MEGF8: variants seen among roughly 807,000 people sequenced by gnomAD.
MEGF8 encodes multiple EGF like domains 8, also known as multiple epidermal growth factor-like domains protein 8.
In MEGF8, 156 loss-of-function variants were observed where a neutral mutation model predicts 302.9. The ratio of observed to expected loss-of-function variants is 0.52; its 90% confidence interval spans 0.45 to 0.59. The LOEUF (loss-of-function observed/expected upper bound fraction) is 0.59, where lower values mean the gene tolerates loss of function less well. MEGF8 is among the 20% of genes least tolerant of loss of function. The pLI is 0.00. For missense variants in MEGF8, 3,345 were observed against 3,964.5 expected, an observed-to-expected ratio of 0.84 and a Z score of 4.20; for synonymous variants, 1,621 against 1,660.5, an observed-to-expected ratio of 0.98 and a Z score of 0.58.
At chr19:42,373,098 T>TA (rs2039714271) in intron 41 of MEGF8, among the ~76,000 whole-genome samples, 1 of 151,440 alleles carries the variant, frequency 6.6e-6, no homozygotes, top group Non-Finnish European at 1.5e-5. Context: ...TTTTCTTGGT[T>TA]CCTTTTTTTT....
intron 34 of MEGF8, among the ~76,000 whole-genome samples, chr19:42,362,808 G>A (rs909900353): frequency 6.7e-6 from 1 of 149,470 alleles, no homozygotes; most frequent in Non-Finnish European, 1.5e-5. Flanking sequence ...GTCTGAGGGA[G>A]GAGAGGCTGG....
At position 42,353,583 on chromosome 19, in the gene MEGF8, C is replaced by T; in HGVS notation, c.3669C>T (p.His1223=). ...GGCACGGGGACCCACGCCGTGGCCA[C>T]TGCGACAACCTCAGTGGGCTCTGCT... ...CNGHGDPRRG[H]CDNLSGLCFC... is the part of the protein sequence containing the mutation. The change falls in exon 21 of 42, where the codon CAC becomes CAT. Residue 1223 remains histidine, a synonymous_variant. Transcript: ENST00000251268. This position sits in a 1 kb window ranked among gnomAD's most constrained non-coding sequence, Gnocchi z 6.1. 1 of 1,597,272 alleles carries T rather than the reference C, an allele frequency of 6.3e-7. No homozygotes were observed. The highest frequency in any genetic ancestry group is 8.5e-7 in the Non-Finnish European group (1 of 1,172,346).
chr19:42,335,512 C>A (rs2039115601), intron 5 of MEGF8, 127 bp downstream of exon 5: 1 of 779,796 alleles, frequency 1.3e-6, no homozygotes, highest in Non-Finnish European at 2.1e-6. Flanking sequence ...GAACCTACTT[C>A]TCCCTGTTTC....
intron 15 of MEGF8, 112 bp downstream of exon 15, chr19:42,350,496 G>GC (rs1205231903): frequency 2.1e-6 from 2 of 966,348 alleles, no homozygotes; most frequent in African/African-American, 3.3e-5. Flanking sequence ...AGGGCTTTTG[G>GC]CCTTGATCTG....
chr19:42,351,851 T>A lies in MEGF8; in HGVS notation c.3101+90T>A, dbSNP rs2039379255. On this transcript the variant is annotated intron_variant, in intron 18 of 41. Coordinates refer to ENST00000251268, the MANE Select transcript of MEGF8 (RefSeq NM_001271938.2). This position sits in a 1 kb window ranked among gnomAD's most constrained non-coding sequence, Gnocchi z 5.6. The stretch of plus-strand genomic sequence containing the variant: ...TAATGGCCTCTTTGCTTCTCTGCCC[T>A]CTTGCCCATCCCATGGCCACCTTCC... 7 of 1,109,078 alleles carry A rather than the reference T, an allele frequency of 6.3e-6. No homozygotes were observed. In the South Asian group the frequency reaches 8.4e-5, roughly 13 times the overall value. 68.7% of individuals were successfully genotyped at this position (1,109,078 alleles called of 1,614,324 possible).
intron 8 of MEGF8, among the ~76,000 whole-genome samples, chr19:42,337,462 T>C (rs2039144208): frequency 6.6e-6 from 1 of 152,116 alleles, no homozygotes; most frequent in South Asian, 2.1e-4. Context: ...GGGAAATGCC[T>C]AAGAGGCAGC....
rs1279212662 is a variant in MEGF8 at position 42,326,344 on chromosome 19, G to A, written c.101G>A (p.Arg34Gln). ...CGGGCGGGGGACTGCAAGGGGCAGC[G>A]GCAGGTGCTGCGGGAGGCGCCAGGC... Reference protein sequence around the residue: ...GARAGDCKGQRQVLREAPGFV... With the variant: ...GARAGDCKGQQQVLREAPGFV... Residue 34 changes from arginine (R) to glutamine (Q), a missense_variant, in exon 1 of 42, where the codon CGG (arginine) becomes CAG (glutamine). Physicochemically the swap from Arg to Gln is conservative, Grantham distance 43. Transcript: ENST00000251268. 1.3e-6 allele frequency: 2 copies of A among 1,583,406 alleles called. No homozygotes were observed.
In MEGF8 at chr19:42,368,698, G is replaced by A. The variant is rs1304876859; in HGVS notation, c.6481+36G>A. On this transcript the variant is annotated intron_variant, in intron 36 of 41. Coordinates refer to ENST00000251268, the MANE Select transcript of MEGF8 (RefSeq NM_001271938.2). This position sits in a 1 kb window ranked among gnomAD's most constrained non-coding sequence, Gnocchi z 4.9. ...TTTGGGCACTGGGGGAGAGGGGCTG[G>A]CCCTTGGTTGGGGTCTGATACAGTG... is the stretch of plus-strand genomic sequence containing the variant. 6.5e-7 allele frequency: 1 copy of A among 1,530,386 alleles called. No homozygotes were observed. Among genetic ancestry groups the A allele is most frequent in the Non-Finnish European group, 8.8e-7 (1 of 1,139,876 alleles). The allele number at this position is 1,530,386 out of a possible 1,614,324, so 94.8% of individuals were successfully genotyped here.
chr19:42,353,428 T>C lies in MEGF8; in HGVS notation c.3551-37T>C. The C allele has an allele frequency of 6.3e-7, 1 of 1,598,352 alleles. No homozygotes were observed. The highest frequency in any genetic ancestry group is 8.5e-7 in the Non-Finnish European group (1 of 1,173,656). On this transcript the variant is annotated intron_variant, in intron 20 of 41. Coordinates refer to ENST00000251268, the MANE Select transcript of MEGF8 (RefSeq NM_001271938.2). This position sits in a 1 kb window ranked among gnomAD's most constrained non-coding sequence, Gnocchi z 6.1. Reference sequence around the variant, plus strand: ...GTAGGCCTGGGCCTGTTTCCACCCTTGACTTGACTCTGTCCCACCTGCTGG... The same window carrying C: ...GTAGGCCTGGGCCTGTTTCCACCCTCGACTTGACTCTGTCCCACCTGCTGG...
In MEGF8 at chr19:42,376,080, C is replaced by T; in HGVS notation, c.7843C>T (p.Leu2615=). ...HALKSSRFYL[L]LLGVGDPSGP... ...CCTCAAGTCGAGCCGCTTCTACCTG[C>T]TGCTGCTGGGCGTGGGAGACCCAAG... The change falls in exon 42 of 42, where the codon CTG becomes TTG. Residue 2615 remains leucine, a synonymous_variant. Transcript: ENST00000251268. This position sits in a 1 kb window ranked among gnomAD's most constrained non-coding sequence, Gnocchi z 8.2. The T allele has an allele frequency of 1.2e-6, 2 of 1,606,032 alleles. No individual in the cohort carries two copies. The highest frequency in any genetic ancestry group is 3.3e-5 in the Admixed American group (2 of 59,982).
chr19:42,353,093 C>T lies in MEGF8; in HGVS notation c.3516C>T (p.Arg1172=). 1 of 1,548,988 alleles carries T rather than the reference C, an allele frequency of 6.5e-7. No individual in the cohort carries two copies. The stretch of plus-strand genomic sequence containing the variant: ...GCTGCAGCTTCCACAGCCACTGCCG[C>T]AAGCGGGGCCCTGGCTTCTGCGACG... ...DCGCSFHSHC[R]KRGPGFCDEC... Residue 1172 remains arginine (R), a synonymous_variant, in exon 20 of 42, where the codon CGC becomes CGT. Transcript: ENST00000251268. This position sits in a 1 kb window ranked among gnomAD's most constrained non-coding sequence, Gnocchi z 6.1.
At chr19:42,362,021 G>T in intron 32 of MEGF8, 69 bp from the exon 33 acceptor site, 2 of 1,582,952 alleles carry the variant, frequency 1.3e-6, no homozygotes, top group Non-Finnish European at 1.7e-6. Context: ...GGGCCTGCAG[G>T]ACAGTGTCTG....
rs1373206010 is a variant in MEGF8, at chr19:42,333,739, C to A, written c.322C>A (p.Pro108Thr). The change falls in exon 2 of 42, where the codon CCT (proline) becomes ACT (threonine). Residue 108 changes from proline to threonine, a missense_variant. Physicochemically the swap from Pro to Thr is conservative, Grantham distance 38. Transcript: ENST00000251268. Reference protein sequence around the residue: ...LLASLSGSTRPPPIEASSGKM... With the variant: ...LLASLSGSTRTPPIEASSGKM... The stretch of plus-strand genomic sequence containing the variant: ...TGCCAGTCTAAGTGGGAGCACCCGA[C>A]CTCCGCCCATCGAAGCTTCCTCAGG... The A allele has an allele frequency of 6.2e-7, 1 of 1,613,978 alleles. No homozygotes were observed.
rs1359714281 is a variant in MEGF8 at position 42,368,166 on chromosome 19, C to T, written c.6274-289C>T. On this transcript the variant is annotated intron_variant, in intron 35 of 41. Transcript: ENST00000251268. This position sits in a 1 kb window ranked among gnomAD's most constrained non-coding sequence, Gnocchi z 4.9. ...CTCTTGGGCTCAAGTGATCCTCCCA[C>T]TGTAGCCTCCCAAAGTATTGGGATT... Among the ~76,000 whole-genome samples the T allele has an allele frequency of 6.6e-6, 1 of 152,220 alleles. No homozygotes were observed. Among genetic ancestry groups the T allele is most frequent in the Non-Finnish European group, 1.5e-5 (1 of 68,044 alleles).
In MEGF8 at chr19:42,356,100, C is replaced by T; in HGVS notation, c.4410C>T (p.Ile1470=). 1 of 1,588,854 alleles carries T rather than the reference C, an allele frequency of 6.3e-7. No homozygotes were observed. Among genetic ancestry groups the T allele is most frequent in the South Asian group, 1.2e-5 (1 of 86,876 alleles). ...TCCCCCAGAGCCTGGGTGTGTGCAT[C>T]TGTGCCGAGGGCTTCGGGGGCCCCG... is the stretch of plus-strand genomic sequence containing the variant. ...GTCNQSLGVC[I]CAEGFGGPDC... Residue 1470 remains isoleucine (I), a synonymous_variant, in exon 25 of 42, where the codon ATC becomes ATT. Coordinates refer to ENST00000251268, the MANE Select transcript of MEGF8 (RefSeq NM_001271938.2). This position sits in a 1 kb window ranked among gnomAD's most constrained non-coding sequence, Gnocchi z 5.2.
At chr19:42,367,530 C>T (rs189560072) in intron 35 of MEGF8, among the ~76,000 whole-genome samples, 9 of 152,256 alleles carry the variant, frequency 5.9e-5, no homozygotes, top group South Asian at 2.1e-4. Context: ...CCTCGTGATC[C>T]GCCCGCCTCG....
intron 8 of MEGF8, among the ~76,000 whole-genome samples, chr19:42,339,274 G>A (rs905185856): frequency 1.3e-5 from 2 of 152,186 alleles, no homozygotes; most frequent in South Asian, 4.1e-4. Context: ...TGGGATTGCT[G>A]GGTCAAATGG....
chr19:42,353,672 C>A lies in MEGF8; in HGVS notation c.3758C>A (p.Pro1253His). The change falls in exon 21 of 42, where the codon CCC (proline) becomes CAC (histidine). Residue 1253 changes from proline (P) to histidine (H), a missense_variant. Pro to His is a moderately conservative substitution (Grantham distance 77, BLOSUM62 -2). Transcript: ENST00000251268. The surrounding 1 kb of genome is among the most constrained non-coding windows in gnomAD (Gnocchi z 6.1). ...TGCTCCCCAGGCTATTATGGGGATC[C>A]CCGGTGAGCCAACGGGCCAGCCAGG... ...QLCSPGYYGDPRAGGSCFREC... is the reference protein window; with the variant it reads ...QLCSPGYYGDHRAGGSCFREC... The A allele has an allele frequency of 6.3e-7, 1 of 1,576,102 alleles. No individual in the cohort carries two copies.
chr19:42,348,618 A>G, intron 13 of MEGF8, 146 bp downstream of exon 13: 1 of 798,822 alleles, frequency 1.3e-6, no homozygotes, highest in South Asian at 1.9e-5. Flanking sequence ...GTGTGTGTGT[A>G]AGACAGAGTC....
Sources: gnomAD v4.1 joint callset for allele counts (sites outside exome capture counted in the v4.1 genomes callset) on GRCh38, gnomAD v4.1.1 for gene constraint, Gnocchi (gnomAD v3.1) non-coding constraint, MANE v1.5 for transcripts, NCBI Gene and HGNC (gene_info 2026-07-23, HGNC 2026-07-21) for gene names.